LRMDA: variants seen among roughly 807,000 people sequenced by gnomAD.
LRMDA encodes the protein leucine-rich melanocyte differentiation-associated protein.
In LRMDA, 18 loss-of-function variants were observed where a neutral mutation model predicts 29.8. That is an observed-to-expected ratio of 0.60 (90% CI 0.42 to 0.90). The LOEUF is 0.90. LRMDA is among the 40% of genes least tolerant of loss of function. LRMDA has a pLI of 0.00. For synonymous variants in LRMDA, 125 were observed against 109.4 expected (o/e 1.14, Z -0.89); for missense variants, 273 against 273.9 (o/e 1.00, Z 0.02).
intron 2 of LRMDA, among the ~76,000 whole-genome samples, chr10:75,651,205 T>C (rs10824326): frequency 0.2 from 30,810 of 152,118 alleles, 7,754 homozygotes; most frequent in African/African-American, 0.59. Flanking sequence ...AGAGACAGGA[T>C]ATATCCCTAA....
At chr10:76,320,852 A>AC (rs1840762423) in intron 5 of LRMDA, among the ~76,000 whole-genome samples, 1 of 152,244 alleles carries the variant, frequency 6.6e-6, no homozygotes, top group African/African-American at 2.4e-5. Flanking sequence ...CATTTTCATG[A>AC]ATTTAGTGTA....
At chr10:76,547,806 T>G (rs1255019025) in intron 6 of LRMDA, among the ~76,000 whole-genome samples, 1 of 152,126 alleles carries the variant, frequency 6.6e-6, no homozygotes, top group Non-Finnish European at 1.5e-5. Context: ...TGAAGGGCAC[T>G]TCACAAATCT....
chr10:76,032,914 T>C (rs1848174488), intron 2 of LRMDA, among the ~76,000 whole-genome samples: 1 of 152,148 alleles, frequency 6.6e-6, no homozygotes, highest in Non-Finnish European at 1.5e-5. Context: ...TGCATTTTGC[T>C]GTCCATACAC....
At chr10:76,480,580 G>A (rs1277444160) in intron 6 of LRMDA, among the ~76,000 whole-genome samples, 1 of 151,976 alleles carries the variant, frequency 6.6e-6, no homozygotes, top group Non-Finnish European at 1.5e-5. Context: ...TAATTTATGA[G>A]TTAAAGTGAA....
chr10:75,989,069 C>T (rs185701637), intron 2 of LRMDA, among the ~76,000 whole-genome samples: 15 of 152,298 alleles, frequency 9.8e-5, no homozygotes, highest in Middle Eastern at 3.4e-3. Context: ...ATGCAGGTTG[C>T]ATGCCTTCCA....
intron 2 of LRMDA, among the ~76,000 whole-genome samples, chr10:75,774,737 A>T (rs1843288111): frequency 6.6e-6 from 1 of 152,312 alleles, no homozygotes; most frequent in African/African-American, 2.4e-5. Context: ...TTCATTCTGA[A>T]AACAGCAAGA....
intron 5 of LRMDA, among the ~76,000 whole-genome samples, chr10:76,233,709 C>T (rs1232878997): frequency 6.6e-6 from 1 of 152,084 alleles, no homozygotes; most frequent in Non-Finnish European, 1.5e-5. Context: ...CATCTCAAAA[C>T]AAACAAACAA....
At chr10:76,393,361 A>G (rs1462741037) in intron 6 of LRMDA, among the ~76,000 whole-genome samples, 2 of 152,130 alleles carry the variant, frequency 1.3e-5, no homozygotes, top group Admixed American at 1.3e-4. Context: ...TAGCCATTTT[A>G]ACAGATGTGA....
intron 5 of LRMDA, among the ~76,000 whole-genome samples, chr10:76,122,262 A>T (rs1849802758): frequency 6.6e-6 from 1 of 151,792 alleles, no homozygotes; most frequent in Non-Finnish European, 1.5e-5. Flanking sequence ...AAGTCTCAGA[A>T]TCAGATGCTC....
At chr10:75,969,571 T>A (rs1355389919) in intron 2 of LRMDA, among the ~76,000 whole-genome samples, 1 of 152,238 alleles carries the variant, frequency 6.6e-6, no homozygotes, top group Non-Finnish European at 1.5e-5. Flanking sequence ...GTTCACAAGC[T>A]CACGCTTATT....
chr10:75,806,903 G>C (rs1467999082), intron 2 of LRMDA, among the ~76,000 whole-genome samples: 1 of 151,412 alleles, frequency 6.6e-6, no homozygotes, highest in Non-Finnish European at 1.5e-5. Context: ...GGCTCTTAAA[G>C]TGCTTCTCCT....
At position 75,816,178 on chromosome 10, in the gene LRMDA, C is replaced by T. The variant is rs190032514; in HGVS notation, c.132-219830C>T. Among the ~76,000 whole-genome samples the T allele has an allele frequency of 2.3e-3, 346 of 152,228 alleles. 3 individuals carry two copies. In the South Asian group the frequency reaches 0.029, roughly 13 times the overall value. Reference sequence around the variant, plus strand: ...CTTACTTTTAGGTCTTGAAAGTTTTCGGCTTTCTATCTGCCTATATAATTC... The same window carrying T: ...CTTACTTTTAGGTCTTGAAAGTTTTTGGCTTTCTATCTGCCTATATAATTC... On this transcript the variant is annotated intron_variant, in intron 2 of 6. Coordinates refer to ENST00000611255, the MANE Select transcript of LRMDA (RefSeq NM_001305581.2).
chr10:75,691,357 A>G (rs1412977021), intron 2 of LRMDA, among the ~76,000 whole-genome samples: 1 of 151,638 alleles, frequency 6.6e-6, no homozygotes, highest in Non-Finnish European at 1.5e-5. Context: ...GCTAACTAAT[A>G]TAGCATAGGT....
At chr10:76,360,659 A>G (rs553238175) in intron 6 of LRMDA, among the ~76,000 whole-genome samples, 2 of 152,286 alleles carry the variant, frequency 1.3e-5, no homozygotes, top group Admixed American at 1.3e-4. Flanking sequence ...ATATTCTTAC[A>G]TTGTAAGTGA....
intron 2 of LRMDA, among the ~76,000 whole-genome samples, chr10:75,994,339 A>G (rs1847422537): frequency 6.6e-6 from 1 of 152,220 alleles, no homozygotes. Context: ...TCAGGAAGAC[A>G]TATGAAAGGT....
At chr10:75,617,493 C>T (rs894723075) in intron 2 of LRMDA, among the ~76,000 whole-genome samples, 1 of 152,194 alleles carries the variant, frequency 6.6e-6, no homozygotes, top group South Asian at 2.1e-4. Context: ...ATTCTCAGTG[C>T]ACTGCTTTTA....
At chr10:75,535,915 T>C (rs1004939480) in intron 2 of LRMDA, among the ~76,000 whole-genome samples, 1 of 152,228 alleles carries the variant, frequency 6.6e-6, no homozygotes, top group Non-Finnish European at 1.5e-5. Flanking sequence ...GAGCCATCTG[T>C]GCCATTAAAT....
intron 5 of LRMDA, among the ~76,000 whole-genome samples, chr10:76,193,225 T>C (rs970165091): frequency 6.6e-6 from 1 of 152,218 alleles, no homozygotes; most frequent in Non-Finnish European, 1.5e-5. Flanking sequence ...AAGATGGAAA[T>C]GCATATTTGC....
intron 2 of LRMDA, among the ~76,000 whole-genome samples, chr10:75,516,378 C>T (rs896323012): frequency 3.3e-5 from 5 of 152,162 alleles, no homozygotes; most frequent in African/African-American, 9.7e-5. Flanking sequence ...GGTTTCCTGA[C>T]TTTTTAATGA....
Sources: gnomAD v4.1 joint callset for allele counts (sites outside exome capture counted in the v4.1 genomes callset) on GRCh38, gnomAD v4.1.1 for gene constraint, MANE v1.5 for transcripts, NCBI Gene and HGNC (gene_info 2026-07-23, HGNC 2026-07-21) for gene names.